Variants in SNX25 observed in about 807,000 individuals in gnomAD.
SNX25 encodes sorting nexin 25.
In SNX25, 62 loss-of-function variants were observed where a neutral mutation model predicts 113.7. The ratio of observed to expected loss-of-function variants is 0.55; its 90% CI spans 0.44 to 0.67. The LOEUF (loss-of-function observed/expected upper bound fraction) is 0.67. Ranked by LOEUF, SNX25 falls within the 30% of genes least tolerant of loss-of-function variation. SNX25 has a pLI of 0.00. For synonymous variants in SNX25, 421 were observed against 436.2 expected (o/e 0.97, Z 0.43); for missense variants, 1,014 against 1,161.0 (o/e 0.87, Z 1.84).
At chr4:185,373,249 G>A (rs1312328975), downstream of SNX25, among the ~76,000 whole-genome samples, 1 of 152,206 alleles carries the variant, frequency 6.6e-6, no homozygotes, top group African/African-American at 2.4e-5. Context: ...GCCTAACACA[G>A]TGTGGAGGCG....
intron 2 of SNX25, among the ~76,000 whole-genome samples, chr4:185,257,099 A>G (rs1446351106): frequency 6.6e-6 from 1 of 151,974 alleles, no homozygotes; most frequent in Admixed American, 6.6e-5. Flanking sequence ...GCAGACAAGC[A>G]AAGAAAAGCA....
chr4:185,229,570 A>G (rs1037060345), intron 1 of SNX25, among the ~76,000 whole-genome samples: 1 of 152,164 alleles, frequency 6.6e-6, no homozygotes, highest in Non-Finnish European at 1.5e-5. Flanking sequence ...GGTGGGTAGA[A>G]TGGGTGTTGC....
rs547144950 is a variant in SNX25 at position 185,314,617 on chromosome 4, T to C, written c.1344+3801T>C. On this transcript the variant is annotated intron_variant, in intron 7 of 18. Coordinates refer to ENST00000652585, the MANE Select transcript of SNX25 (RefSeq NM_001378034.2). Reference sequence around the variant, plus strand: ...GCTCACGCCTGTAATCCCAACACTTTAGGAGGCTGAGGCAGGCGGATCACG... The same window carrying C: ...GCTCACGCCTGTAATCCCAACACTTCAGGAGGCTGAGGCAGGCGGATCACG... Among the ~76,000 whole-genome samples, 3 of 151,836 alleles carry C rather than the reference T, an allele frequency of 2.0e-5. No individual in the cohort carries two copies. The South Asian group carries it at 6.2e-4, about 32-fold the overall frequency.
intron 5 of SNX25, among the ~76,000 whole-genome samples, chr4:185,273,534 T>A (rs140951463): frequency 4.7e-4 from 72 of 152,344 alleles, no homozygotes; most frequent in Non-Finnish European, 9.1e-4. Flanking sequence ...TTTTTGTGTG[T>A]GGTGAGAACA....
chr4:185,268,123 T>C (rs758833109), intron 5 of SNX25, among the ~76,000 whole-genome samples: 6 of 152,126 alleles, frequency 3.9e-5, no homozygotes, highest in Non-Finnish European at 5.9e-5. Context: ...GAGGCTATAA[T>C]AGACTGAAAG....
upstream of SNX25, among the ~76,000 whole-genome samples, chr4:185,208,156 T>G (rs769404998): frequency 2.6e-5 from 4 of 152,072 alleles, no homozygotes; most frequent in Non-Finnish European, 5.9e-5. Flanking sequence ...TTGCCCAAGC[T>G]GGAGTGCAAT....
At chr4:185,294,680 G>T (rs1294495984) in intron 6 of SNX25, among the ~76,000 whole-genome samples, 1 of 152,146 alleles carries the variant, frequency 6.6e-6, no homozygotes, top group Admixed American at 6.6e-5. Context: ...TGATGCTGCC[G>T]CATTATTAGA....
the SNX25 span, chr4:185,378,057 A>C: frequency 1.3e-6 from 2 of 1,571,944 alleles, no homozygotes; most frequent in South Asian, 2.3e-5. Flanking sequence ...TTTCCAAGGG[A>C]AGCTTAAATA....
downstream of SNX25, chr4:185,374,457 T>G (rs775510916): frequency 6.9e-6 from 11 of 1,604,690 alleles, no homozygotes; most frequent in South Asian, 1.2e-4. Flanking sequence ...GTCCACCCCT[T>G]TCTCCTTCGA....
chr4:185,242,464 G>A (rs140446852), intron 1 of SNX25, among the ~76,000 whole-genome samples: 1,672 of 152,302 alleles, frequency 0.011, 10 homozygotes, highest in Middle Eastern at 0.024. Flanking sequence ...CCCCCTTTGG[G>A]TTCAGTTAAT....
chr4:185,336,040 A>C (rs1352578036), intron 10 of SNX25, among the ~76,000 whole-genome samples: 1 of 152,240 alleles, frequency 6.6e-6, no homozygotes, highest in East Asian at 1.9e-4. Context: ...ACAGAGTTAC[A>C]TAACCCTATA....
rs987410191 is a variant in SNX25 at position 185,334,881 on chromosome 4, T to C, written c.1914+2122T>C. Among the ~76,000 whole-genome samples, 4 of 152,210 alleles carry C rather than the reference T, an allele frequency of 2.6e-5. No homozygotes were observed. The highest frequency in any genetic ancestry group is 5.9e-5 in the Non-Finnish European group (4 of 68,030). ...TGTAATCAGATTGTCCACAGGCTGCTCACGGAGCACTCTGCTTCTGGCAGT... is the reference window on the plus strand; with the variant it reads ...TGTAATCAGATTGTCCACAGGCTGCCCACGGAGCACTCTGCTTCTGGCAGT... On this transcript the variant is annotated intron_variant, in intron 10 of 18. Coordinates refer to ENST00000652585, the MANE Select transcript of SNX25 (RefSeq NM_001378034.2). This position sits in a 1 kb window ranked among gnomAD's most constrained non-coding sequence, Gnocchi z 4.2.
intron 1 of SNX25, among the ~76,000 whole-genome samples, chr4:185,212,546 G>A (rs1473823333): frequency 7.7e-6 from 1 of 129,682 alleles, no homozygotes; most frequent in Non-Finnish European, 1.6e-5. Flanking sequence ...AAGCCACCAC[G>A]CCTGGCTAAG....
At chr4:185,310,512 G>C (rs530542831) in intron 6 of SNX25, 123 bp from the exon 7 acceptor site, 2 of 651,216 alleles carry the variant, frequency 3.1e-6, no homozygotes, top group Middle Eastern at 2.8e-4. Flanking sequence ...ATTCTGTTCT[G>C]TTATTTTGTT....
intron 1 of SNX25, among the ~76,000 whole-genome samples, chr4:185,240,399 AC>A (rs1234619333): frequency 2.0e-5 from 3 of 146,654 alleles, no homozygotes. Flanking sequence ...CGGGGGGCTG[AC>A]CCCCCCACCT....
At chr4:185,352,782 C>T (rs889026104) in intron 14 of SNX25, among the ~76,000 whole-genome samples, 2 of 152,172 alleles carry the variant, frequency 1.3e-5, no homozygotes, top group African/African-American at 2.4e-5. Flanking sequence ...CCTGGGCTCG[C>T]ACTTCAGCTC....
At chr4:185,221,907 T>C (rs1579338248) in intron 1 of SNX25, among the ~76,000 whole-genome samples, 1 of 152,130 alleles carries the variant, frequency 6.6e-6, no homozygotes, top group African/African-American at 2.4e-5. Context: ...CATATTCTTA[T>C]AGCACCATAT....
intron 10 of SNX25, among the ~76,000 whole-genome samples, chr4:185,335,276 C>T (rs999228932): frequency 1.3e-5 from 2 of 151,462 alleles, no homozygotes; most frequent in South Asian, 2.1e-4. Flanking sequence ...GCCGAGATCA[C>T]GCCATTGCAC....
At chr4:185,281,841 C>T (rs919857675) in intron 5 of SNX25, among the ~76,000 whole-genome samples, 15 of 152,094 alleles carry the variant, frequency 9.9e-5, no homozygotes, top group East Asian at 3.9e-4. Context: ...CATGGTGAAA[C>T]GTCATCTCTA....
Sources: gnomAD v4.1 joint callset for allele counts (sites outside exome capture counted in the v4.1 genomes callset) on GRCh38, gnomAD v4.1.1 for gene constraint, Gnocchi (gnomAD v3.1) non-coding constraint, MANE v1.5 for transcripts, NCBI Gene and HGNC (gene_info 2026-07-23, HGNC 2026-07-21) for gene names.